Variants in MAPK4 observed in about 807,000 individuals in gnomAD.
MAPK4 encodes the protein Erk3-related.
In MAPK4, 22 loss-of-function variants were observed where a neutral mutation model predicts 47.7. The ratio of observed to expected loss-of-function variants is 0.46; its 90% CI spans 0.33 to 0.66. The LOEUF (loss-of-function observed/expected upper bound fraction) is 0.66, where lower values mean the gene tolerates loss of function less well. Among genes scored for constraint, MAPK4 ranks in the 30% least tolerant of loss-of-function variants. MAPK4 has a pLI of 0.02. For missense variants in MAPK4, 736 were observed against 831.7 expected, an observed-to-expected ratio of 0.88 and a Z score of 1.42; for synonymous variants, 390 against 365.7, an observed-to-expected ratio of 1.07 and a Z score of -0.76.
At chr18:50,708,453 C>A (rs1029070427) in intron 2 of MAPK4, among the ~76,000 whole-genome samples, 1 of 152,198 alleles carries the variant, frequency 6.6e-6, no homozygotes, top group Non-Finnish European at 1.5e-5. Context: ...ATCATAAAGA[C>A]CATCTAGGAA....
chr18:50,714,987 G>T lies in MAPK4; in HGVS notation c.547-92G>T, dbSNP rs566832448. On this transcript the variant is annotated intron_variant, in intron 2 of 5. Transcript: ENST00000400384. ...AAGAATGAAAGGGACCCTGAAAGAGGTCTGTTTCATGGGAGGGGAAACTGG... is the reference window on the plus strand; with the variant it reads ...AAGAATGAAAGGGACCCTGAAAGAGTTCTGTTTCATGGGAGGGGAAACTGG... The T allele has an allele frequency of 1.0e-3, 1,307 of 1,286,202 alleles. 3 individuals are homozygous for T. Among genetic ancestry groups the T allele is most frequent in the Non-Finnish European group, 1.3e-3 (1,213 of 911,120 alleles). 79.7% of individuals were successfully genotyped at this position (1,286,202 alleles called of 1,614,324 possible). A position where few individuals can be genotyped will look rare whatever the true frequency, so the allele number is the denominator to read the frequency against.
intron 1 of MAPK4, among the ~76,000 whole-genome samples, chr18:50,568,064 C>T (rs757540800): frequency 4.4e-4 from 66 of 151,588 alleles, no homozygotes; most frequent in Admixed American, 6.6e-4. Context: ...GGCGTGGTGG[C>T]GGATGCCTGT....
chr18:50,624,770 C>G lies in MAPK4; in HGVS notation c.-870-38319C>G, dbSNP rs2042761852. 2.0e-5 allele frequency among the ~76,000 whole-genome samples: 3 copies of G among 151,932 alleles called. No individual in the cohort carries two copies. In the South Asian group the frequency reaches 6.3e-4, roughly 32 times the overall value. On this transcript the variant is annotated intron_variant, in intron 1 of 5. Transcript: ENST00000400384. ...CATTGGTGAACATACTGTTTTAAGA[C>G]AGATCTCTTCTAAGGTACACAGCTG...
Position 50,706,434 on chromosome 18 carries a change from C to G in MAPK4, c.547-8645C>G, listed in dbSNP as rs557521497. Among the ~76,000 whole-genome samples, 290 of 140,572 alleles carry G rather than the reference C, an allele frequency of 2.1e-3. 2 individuals are homozygous for G. The highest frequency in any genetic ancestry group is 6.7e-3 in the African/African-American group (263 of 39,090). 92.2% of individuals were successfully genotyped at this position (140,572 alleles called of 152,430 possible). ...CCCCCACAGATTCTGATGTGATTGG[C>G]ACAGCAGGAGTCCTGAACGTCAGTT... On this transcript the variant is annotated intron_variant, in intron 2 of 5. Transcript: ENST00000400384.
intron 2 of MAPK4, among the ~76,000 whole-genome samples, chr18:50,667,080 G>A (rs922747043): frequency 2.0e-5 from 3 of 152,110 alleles, no homozygotes; most frequent in East Asian, 1.9e-4. Flanking sequence ...AAGTCTTTCC[G>A]GATTCTGGGT....
intron 1 of MAPK4, among the ~76,000 whole-genome samples, chr18:50,577,555 G>A (rs946991319): frequency 6.6e-6 from 1 of 152,158 alleles, no homozygotes; most frequent in Non-Finnish European, 1.5e-5. Flanking sequence ...GCAATCCCCT[G>A]TGTTAACCAG....
intron 1 of MAPK4, among the ~76,000 whole-genome samples, chr18:50,633,501 T>C (rs1389376395): frequency 4.6e-5 from 7 of 152,184 alleles, no homozygotes; most frequent in Non-Finnish European, 1.5e-5. Flanking sequence ...TTCTAGTGCC[T>C]GCATCCCTAG....
chr18:50,718,273 G>A (rs533799447), intron 3 of MAPK4, among the ~76,000 whole-genome samples: 3 of 152,328 alleles, frequency 2.0e-5, no homozygotes, highest in African/African-American at 7.2e-5. Context: ...AGGCTGGAGT[G>A]CAACGGCATG....
chr18:50,635,965 T>C (rs1412707527), intron 1 of MAPK4, among the ~76,000 whole-genome samples: 4 of 152,228 alleles, frequency 2.6e-5, no homozygotes, highest in Non-Finnish European at 4.4e-5. Flanking sequence ...TCACATGGTC[T>C]AATCTACTCT....
chr18:50,726,772 C>T (rs1047434388), intron 5 of MAPK4, among the ~76,000 whole-genome samples: 7 of 151,220 alleles, frequency 4.6e-5, no homozygotes, highest in African/African-American at 7.3e-5. Flanking sequence ...TGGTGGCACA[C>T]GGCTGTAGTC....
intron 2 of MAPK4, among the ~76,000 whole-genome samples, chr18:50,693,371 C>T (rs959655122): frequency 2.6e-5 from 4 of 152,162 alleles, no homozygotes; most frequent in Middle Eastern, 3.4e-3. Context: ...TTGTCAAATC[C>T]GCAGCGGACT....
At chr18:50,705,822 C>T (rs763376912) in intron 2 of MAPK4, 2 of 152,248 alleles carry the variant, frequency 1.3e-5, no homozygotes, top group African/African-American at 4.8e-5. Context: ...CCCACCCCAT[C>T]ACTCTCTATC....
At chr18:50,704,489 A>C (rs1909947922) in intron 2 of MAPK4, 3 of 398,494 alleles carry the variant, frequency 7.5e-6, no homozygotes, top group Non-Finnish European at 8.8e-6. Context: ...TCCAAAAAAA[A>C]AGCAAGACAA....
chr18:50,703,725 C>A (rs1019275291), intron 2 of MAPK4, among the ~76,000 whole-genome samples: 1 of 152,172 alleles, frequency 6.6e-6, no homozygotes, highest in African/African-American at 2.4e-5. Context: ...TTGACAAGCA[C>A]TACATACTAA....
At chr18:50,704,585 G>C (rs929774910) in intron 2 of MAPK4, 2 of 398,536 alleles carry the variant, frequency 5.0e-6, no homozygotes, top group Admixed American at 8.8e-5. Flanking sequence ...TCTGAGAAGG[G>C]AGAAGTCAGG....
chr18:50,563,882 A>C (rs1017662110), intron 1 of MAPK4, among the ~76,000 whole-genome samples: 2 of 152,178 alleles, frequency 1.3e-5, no homozygotes, highest in Non-Finnish European at 2.9e-5. Flanking sequence ...TTAAATATGA[A>C]TGTAGGTCAC....
chr18:50,592,042 G>T (rs1213374699), intron 1 of MAPK4, among the ~76,000 whole-genome samples: 3 of 152,174 alleles, frequency 2.0e-5, no homozygotes, highest in Non-Finnish European at 2.9e-5. Context: ...GTCCTGGGAA[G>T]TTAATTAAGG....
chr18:50,589,564 C>G (rs1257733645), intron 1 of MAPK4, among the ~76,000 whole-genome samples: 2 of 149,266 alleles, frequency 1.3e-5, no homozygotes, highest in Non-Finnish European at 3.0e-5. Context: ...CCACTGCACT[C>G]CAGCCTGGGC....
chr18:50,575,995 A>G (rs1568032403), intron 1 of MAPK4, among the ~76,000 whole-genome samples: 2 of 152,138 alleles, frequency 1.3e-5, no homozygotes, highest in South Asian at 4.1e-4. Flanking sequence ...GAAAAATAAC[A>G]TGCTGGTGAG....
Sources: allele counts gnomAD v4.1 joint callset (sites outside exome capture counted in the v4.1 genomes callset), GRCh38; gene constraint gnomAD v4.1.1; transcripts MANE v1.5; gene names NCBI Gene and HGNC (gene_info 2026-07-23, HGNC 2026-07-21).